ZNF385D: variants seen among roughly 807,000 people sequenced by gnomAD.
ZNF385D encodes the protein zinc finger protein 385D, also known as zinc finger protein 659.
ZNF385D carries 15 observed loss-of-function variants against 35.8 expected under a neutral mutation model. The observed-to-expected ratio is 0.42, with a 90% CI of 0.28 to 0.64. ZNF385D has a LOEUF of 0.64. Among genes scored for constraint, ZNF385D ranks in the 30% least tolerant of loss-of-function variants. The probability of loss-of-function intolerance (pLI) is 0.23; values close to 1 mark genes in which losing one functional copy is unlikely to be tolerated. For missense variants in ZNF385D, 474 were observed against 494.6 expected, an observed-to-expected ratio of 0.96 and a Z score of 0.39; for synonymous variants, 212 against 186.8, an observed-to-expected ratio of 1.13 and a Z score of -1.10.
rs138785599 is a variant in ZNF385D at position 21,867,214 on chromosome 3, C to T, written c.326-202186G>A. On this transcript the variant is annotated intron_variant, in intron 3 of 5. Transcript: ENST00000494108. ...ACTCCCACAATCCCTTTTATAGTGG[C>T]ATTAATCCATTATTGAGGTCAAGAA... 1.4e-3 allele frequency among the ~76,000 whole-genome samples: 206 copies of T among 152,244 alleles called. 3 individuals carry two copies. The highest frequency in any genetic ancestry group is 4.5e-3 in the African/African-American group (189 of 41,558).
chr3:21,528,019 A>G (rs1286955435), intron 3 of ZNF385D, among the ~76,000 whole-genome samples: 1 of 152,170 alleles, frequency 6.6e-6, no homozygotes, highest in Non-Finnish European at 1.5e-5. Flanking sequence ...AAACTAAGGA[A>G]CACAGTGTTT....
At chr3:21,699,823 CTTTTTTTTTTTTT>C (rs1006362754) in intron 1 of ZNF385D, among the ~76,000 whole-genome samples, 1 of 88,880 alleles carries the variant, frequency 1.1e-5, no homozygotes, top group African/African-American at 4.8e-5. Context: ...GTTTCTTTTC[CTTTTTTTTTTTTT>C]TTTTTTTTTT....
chr3:21,652,290 C>T (rs1055221634), intron 2 of ZNF385D, among the ~76,000 whole-genome samples: 2 of 152,052 alleles, frequency 1.3e-5, no homozygotes, highest in African/African-American at 4.8e-5. Context: ...GGCTTTTGAA[C>T]AAGCCAAATT....
intron 3 of ZNF385D, among the ~76,000 whole-genome samples, chr3:21,844,741 A>C (rs1031054380): frequency 2.0e-5 from 3 of 151,942 alleles, no homozygotes; most frequent in East Asian, 1.9e-4. Flanking sequence ...ACTGTCACTA[A>C]ATTGTTCACA....
intron 2 of ZNF385D, among the ~76,000 whole-genome samples, chr3:21,599,857 G>T (rs1457913393): frequency 6.6e-6 from 1 of 152,174 alleles, no homozygotes; most frequent in East Asian, 1.9e-4. Flanking sequence ...TTGAATATGA[G>T]CTGGGTAAAA....
chr3:22,315,302 T>G (rs1439648396), intron 2 of ZNF385D, among the ~76,000 whole-genome samples: 3 of 152,174 alleles, frequency 2.0e-5, no homozygotes, highest in Non-Finnish European at 2.9e-5. Context: ...ATAGATATTT[T>G]AATTGCCCTT....
intron 3 of ZNF385D, among the ~76,000 whole-genome samples, chr3:22,045,601 T>G (rs1698948213): frequency 6.6e-6 from 1 of 152,176 alleles, no homozygotes. Flanking sequence ...ACCCGCATAG[T>G]GTAGACAGTT....
chr3:22,083,836 G>A (rs190954036), intron 3 of ZNF385D, among the ~76,000 whole-genome samples: 2 of 152,300 alleles, frequency 1.3e-5, no homozygotes, highest in East Asian at 1.9e-4. Context: ...CAGAGAGAAA[G>A]GTCAGGTTAT....
chr3:22,306,656 A>G (rs142721807), intron 2 of ZNF385D, among the ~76,000 whole-genome samples: 2 of 152,082 alleles, frequency 1.3e-5, no homozygotes, highest in Non-Finnish European at 2.9e-5. Flanking sequence ...AATACTCGCT[A>G]TGTTTCTTCT....
At chr3:21,754,253 C>A (rs891768508), upstream of ZNF385D, among the ~76,000 whole-genome samples, 2 of 152,096 alleles carry the variant, frequency 1.3e-5, no homozygotes, top group African/African-American at 2.4e-5. Flanking sequence ...GCCAGCTGTG[C>A]CTGAGAGATG....
At chr3:21,981,967 C>A (rs1694479392) in intron 3 of ZNF385D, among the ~76,000 whole-genome samples, 1 of 151,762 alleles carries the variant, frequency 6.6e-6, no homozygotes, top group East Asian at 1.9e-4. Context: ...TTACTGTACC[C>A]TTGTAGTATA....
rs751739275 is a variant in ZNF385D at position 21,437,701 on chromosome 3, C to CAAAAAAAAAAAAAAAAAAAA, written c.440-499_440-498insTTTTTTTTTTTTTTTTTTTT. Among the ~76,000 whole-genome samples the CAAAAAAAAAAAAAAAAAAAA allele has an allele frequency of 1.2e-4, 9 of 77,202 alleles. 2 individuals carry two copies. The highest frequency in any genetic ancestry group is 2.6e-4 in the African/African-American group (5 of 19,090). 50.6% of individuals were successfully genotyped at this position (77,202 alleles called of 152,430 possible). ...ACAGATCCTTTTGCAAATGCTTATA[C>CAAAAAAAAAAAAAAAAAAAA]AAAAAAAAAAAAAAAAAACCGGAAC... On this transcript the variant is annotated intron_variant, in intron 4 of 7. Transcript: ENST00000281523.
At chr3:22,303,044 C>A (rs1043107517) in intron 2 of ZNF385D, among the ~76,000 whole-genome samples, 1 of 151,926 alleles carries the variant, frequency 6.6e-6, no homozygotes, top group Non-Finnish European at 1.5e-5. Context: ...TTGTTAATTG[C>A]ATTCTGCTAG....
intron 3 of ZNF385D, among the ~76,000 whole-genome samples, chr3:21,957,679 C>T (rs748259257): frequency 6.6e-6 from 1 of 152,234 alleles, no homozygotes; most frequent in East Asian, 1.9e-4. Context: ...TGCCTCCCAG[C>T]ATAACCATCT....
At chr3:22,092,563 G>T (rs11714915) in intron 3 of ZNF385D, among the ~76,000 whole-genome samples, 16,075 of 152,198 alleles carry the variant, frequency 0.11, 1,060 homozygotes, top group Admixed American at 0.19. Flanking sequence ...CCTCTCCAAT[G>T]AATCTGGATC....
intron 3 of ZNF385D, among the ~76,000 whole-genome samples, chr3:21,892,004 G>A (rs1698892689): frequency 6.6e-6 from 1 of 152,166 alleles, no homozygotes; most frequent in Admixed American, 6.5e-5. Flanking sequence ...GTCTCCATGT[G>A]TTCATGCAAA....
At chr3:22,234,000 T>C (rs1011697801) in intron 2 of ZNF385D, among the ~76,000 whole-genome samples, 1 of 152,120 alleles carries the variant, frequency 6.6e-6, no homozygotes. Context: ...GTTCAAATAC[T>C]TGAAAACAAA....
At position 21,844,007 on chromosome 3, in the gene ZNF385D, C is replaced by T. The variant is rs946674564; in HGVS notation, c.326-178979G>A. ...ATATAAAATAACATAGCAAGTAATG[C>T]GTCACACAAAAAGTAGAAAGTCTTG... On this transcript the variant is annotated intron_variant, in intron 3 of 5. Coordinates refer to the ZNF385D transcript ENST00000494108. Among the ~76,000 whole-genome samples the T allele has an allele frequency of 3.9e-5, 6 of 151,940 alleles. No homozygotes were observed. In the South Asian group the frequency reaches 1.0e-3, roughly 26 times the overall value.
intron 3 of ZNF385D, among the ~76,000 whole-genome samples, chr3:21,998,803 T>G (rs73135390): frequency 0.035 from 5,295 of 152,252 alleles, 308 homozygotes; most frequent in African/African-American, 0.12. Context: ...TGCATAGGCT[T>G]AAATAGACTG....
Sources: gnomAD v4.1 joint callset for allele counts (sites outside exome capture counted in the v4.1 genomes callset) on GRCh38, gnomAD v4.1.1 for gene constraint, MANE v1.5 for transcripts, NCBI Gene and HGNC (gene_info 2026-07-23, HGNC 2026-07-21) for gene names.